SRSF5: variants seen among roughly 807,000 people sequenced by gnomAD.
SRSF5 encodes serine and arginine rich splicing factor 5.
In SRSF5, 5 loss-of-function variants were observed where a neutral mutation model predicts 34.0. The observed-to-expected ratio is 0.15, with a 90% CI of 0.08 to 0.31. The LOEUF (loss-of-function observed/expected upper bound fraction) is 0.31, where lower values mean the gene tolerates loss of function less well. Among genes scored for constraint, SRSF5 ranks in the 10% least tolerant of loss-of-function variants. The pLI, the probability that SRSF5 is intolerant of heterozygous loss-of-function variation, is 1.00. For synonymous variants in SRSF5, 164 were observed against 117.7 expected (o/e 1.39, Z -2.55); for missense variants, 223 against 351.4 (o/e 0.63, Z 2.92).
At chr14:69,768,962 C>T (rs1882878233) in intron 4 of SRSF5, 66 bp downstream of exon 4, 1 of 1,520,594 alleles carries the variant, frequency 6.6e-7, no homozygotes, top group Non-Finnish European at 9.1e-7. Context: ...ATTCAGGAGT[C>T]ATTAGCAGTG....
rs1883233045 is a variant in SRSF5 at position 69,771,737 on chromosome 14, A to G, written c.*276A>G. On this transcript the variant is annotated 3_prime_UTR_variant, in exon 8 of 8. Transcript: ENST00000557154. The stretch of plus-strand genomic sequence containing the variant: ...GTGTATATTGACAGAGCTCTTTTAT[A>G]ACTAAAGCAAATTTAATTTTTTTGT... 3.2e-6 allele frequency: 1 copy of G among 315,278 alleles called. No homozygotes were observed. The highest frequency in any genetic ancestry group is 5.8e-6 in the Non-Finnish European group (1 of 172,564). 19.5% of individuals were successfully genotyped at this position (315,278 alleles called of 1,614,324 possible). A position where few individuals can be genotyped will look rare whatever the true frequency, so the allele number is the denominator to read the frequency against.
intron 6 of SRSF5, 106 bp downstream of exon 6, chr14:69,770,646 C>T: frequency 2.8e-6 from 3 of 1,075,042 alleles, no homozygotes; most frequent in South Asian, 2.9e-5. Flanking sequence ...CAGAGATTCT[C>T]CAGAGACAAT....
At chr14:69,770,727 TGA>T (rs1883104598) in intron 6 of SRSF5, among the ~76,000 whole-genome samples, 187 bp downstream of exon 6, 1 of 152,140 alleles carries the variant, frequency 6.6e-6, no homozygotes, top group Non-Finnish European at 1.5e-5. Context: ...CACAACTGGT[TGA>T]GAGAGGATGC....
chr14:69,767,319 G>T (rs1329207670), intron 1 of SRSF5, 64 bp downstream of exon 1: 1 of 448,874 alleles, frequency 2.2e-6, no homozygotes, highest in Non-Finnish European at 4.4e-6. Context: ...CGCTCAGATC[G>T]TGAGCGGCCG....
chr14:69,768,972 G>T (rs753103884), intron 4 of SRSF5, 76 bp downstream of exon 4: 10 of 1,486,596 alleles, frequency 6.7e-6, no homozygotes, highest in Non-Finnish European at 9.4e-6. Context: ...CATTAGCAGT[G>T]ATGATTTTGG....
rs1458627720 is a variant in SRSF5 at position 69,767,558 on chromosome 14, C to G, written c.-20+303C>G. 4 of 455,930 alleles carry G rather than the reference C, an allele frequency of 8.8e-6. No homozygotes were observed. In the East Asian group the frequency reaches 2.1e-4, roughly 24 times the overall value. The allele number at this position is 455,930 out of a possible 1,614,324, so 28.2% of individuals were successfully genotyped here. A position where few individuals can be genotyped will look rare whatever the true frequency, so the allele number is the denominator to read the frequency against. ...GCCGGGATCTCCCTGACTTTGCTGG[C>G]GATGCGGCTGGGCCTTTTGTAGGGC... On this transcript the variant is annotated intron_variant, in intron 1 of 7. Transcript: ENST00000557154.
Position 69,768,912 on chromosome 14 carries a change from A to G in SRSF5, c.296+16A>G, listed in dbSNP as rs772619424. On this transcript the variant is annotated intron_variant, in intron 4 of 7. Transcript: ENST00000557154. Reference sequence around the variant, plus strand: ...ATGATAGACGGTATGTGAAGGGTGGATGGCTGCATTGAACAATTATTGTAG... The same window carrying G: ...ATGATAGACGGTATGTGAAGGGTGGGTGGCTGCATTGAACAATTATTGTAG... 11 of 1,610,004 alleles carry G rather than the reference A, an allele frequency of 6.8e-6. No individual in the cohort carries two copies. The highest frequency in any genetic ancestry group is 1.3e-5 in the African/African-American group (1 of 74,954).
intron 6 of SRSF5, 105 bp downstream of exon 6, chr14:69,770,645 T>C (rs1471789725): frequency 2.8e-6 from 3 of 1,081,472 alleles, no homozygotes; most frequent in Non-Finnish European, 4.1e-6. Flanking sequence ...GCAGAGATTC[T>C]CCAGAGACAA....
intron 1 of SRSF5, chr14:69,767,629 A>G (rs1566624160): frequency 4.6e-6 from 2 of 435,738 alleles, no homozygotes; most frequent in Admixed American, 2.6e-5. Flanking sequence ...GGAGAAGGGA[A>G]GAGGGAATTT....
Position 69,771,501 on chromosome 14 carries a change from C to A in SRSF5, c.*40C>A. ...GCCCTGGGGGCCTTTTTTTAAAAAACAAAAACCACAAAAATTCCCAAACCA... is the reference window on the plus strand; with the variant it reads ...GCCCTGGGGGCCTTTTTTTAAAAAAAAAAAACCACAAAAATTCCCAAACCA... On this transcript the variant is annotated 3_prime_UTR_variant, in exon 8 of 8. Transcript: ENST00000557154. 10 of 1,500,158 alleles carry A rather than the reference C, an allele frequency of 6.7e-6. No individual in the cohort carries two copies. The highest frequency in any genetic ancestry group is 2.0e-5 in the Admixed American group (1 of 49,496). 92.9% of individuals were successfully genotyped at this position (1,500,158 alleles called of 1,614,324 possible).
At position 69,771,902 on chromosome 14, in the gene SRSF5, T is replaced by A. The variant is rs1883258423; in HGVS notation, c.*441T>A. ...TTTGCTTGTACATAAAGGCTTAATT[T>A]GTTTTCCTTGTTAGGGTCAAGGGTG... On this transcript the variant is annotated 3_prime_UTR_variant, in exon 8 of 8. Coordinates refer to ENST00000557154, the MANE Select transcript of SRSF5 (RefSeq NM_001320214.2). 6.1e-6 allele frequency: 1 copy of A among 163,642 alleles called. No individual in the cohort carries two copies. Among genetic ancestry groups the A allele is most frequent in the Non-Finnish European group, 1.3e-5 (1 of 74,766 alleles). 10.1% of individuals were successfully genotyped at this position (163,642 alleles called of 1,614,324 possible). A position where few individuals can be genotyped will look rare whatever the true frequency, so the allele number is the denominator to read the frequency against.
chr14:69,769,654 G>GCA, intron 5 of SRSF5: 1 of 1,521,688 alleles, frequency 6.6e-7, no homozygotes, highest in Non-Finnish European at 8.8e-7. Flanking sequence ...TGTGTTTGCC[G>GCA]GTCTAGACGT....
At position 69,771,366 on chromosome 14, in the gene SRSF5, C is replaced by T. The variant is rs1313309637; in HGVS notation, c.724C>T (p.Arg242Cys). 2.5e-6 allele frequency: 4 copies of T among 1,614,158 alleles called. No homozygotes were observed. Among genetic ancestry groups the T allele is most frequent in the Non-Finnish European group, 3.4e-6 (4 of 1,180,042 alleles). ...TCCCGTGCCTGAGAAGAGCCAGAAA[C>T]GTGGTTCTTCAAGTAGATCTAAGTC... is the stretch of plus-strand genomic sequence containing the variant. ...RSPVPEKSQK[R>C]GSSSRSKSPA... Residue 242 changes from arginine (R) to cysteine (C), a missense_variant, in exon 8 of 8, where the codon CGT (arginine) becomes TGT (cysteine). Around this residue, in one of 4 missense-constraint regions of SRSF5, gnomAD observed 115 missense variants for 119.7 expected, o/e 0.96. Transcript: ENST00000557154.
chr14:69,770,667 C>T, intron 6 of SRSF5, 127 bp downstream of exon 6: 2 of 834,064 alleles, frequency 2.4e-6, no homozygotes, highest in East Asian at 5.4e-5. Flanking sequence ...TTTGCTGCTT[C>T]CCTCCTCCCC....
At position 69,770,278 on chromosome 14, in the gene SRSF5, T is replaced by C. The variant is rs568157604; in HGVS notation, c.367-189T>C. The C allele has an allele frequency of 3.4e-5, 47 of 1,385,968 alleles. No homozygotes were observed. In the South Asian group the frequency reaches 7.3e-4, roughly 22 times the overall value. The allele number at this position is 1,385,968 out of a possible 1,614,324, so 85.9% of individuals were successfully genotyped here. A position where few individuals can be genotyped will look rare whatever the true frequency, so the allele number is the denominator to read the frequency against. On this transcript the variant is annotated intron_variant, in intron 5 of 7. Coordinates refer to ENST00000557154, the MANE Select transcript of SRSF5 (RefSeq NM_001320214.2). ...TTTAGCATTTTGCTTAAAAGCAATA[T>C]GCTATTTGCTTATTCCGTGCCCTGA...
chr14:69,768,443 C>T, intron 2 of SRSF5, 161 bp downstream of exon 2: 2 of 1,243,720 alleles, frequency 1.6e-6, no homozygotes, highest in Non-Finnish European at 1.1e-6. Context: ...AACTTGCCGG[C>T]TCACTGGAAC....
chr14:69,771,177 C>A lies in SRSF5; in HGVS notation c.552-17C>A. 2 of 1,613,722 alleles carry A rather than the reference C, an allele frequency of 1.2e-6. No homozygotes were observed. The highest frequency in any genetic ancestry group is 1.1e-5 in the South Asian group (1 of 91,072). On this transcript the variant is annotated splice_polypyrimidine_tract_variant and intron_variant, in intron 7 of 7. Coordinates refer to ENST00000557154, the MANE Select transcript of SRSF5 (RefSeq NM_001320214.2). Reference sequence around the variant, plus strand: ...TGTAGAGTCTTATCTAGGCTGATTTCTTTTCATTTTTCATAGTAGGTCAAG... The same window carrying A: ...TGTAGAGTCTTATCTAGGCTGATTTATTTTCATTTTTCATAGTAGGTCAAG...
At position 69,769,475 on chromosome 14, in the gene SRSF5, A is replaced by G; in HGVS notation, c.366+224A>G. ...GATATTTTTCTTGTTTTTTAAAATC[A>G]ATTTTTAACCAAATATTAAACCCTT... On this transcript the variant is annotated intron_variant, in intron 5 of 7. Coordinates refer to ENST00000557154, the MANE Select transcript of SRSF5 (RefSeq NM_001320214.2). 3 of 1,534,660 alleles carry G rather than the reference A, an allele frequency of 2.0e-6. 1 individual carries two copies. The highest frequency in any genetic ancestry group is 2.6e-6 in the Non-Finnish European group (3 of 1,146,370).
In SRSF5 at chr14:69,771,360, C is replaced by T. The variant is rs141092744; in HGVS notation, c.718C>T (p.Gln240Ter). 24 of 1,614,070 alleles carry T rather than the reference C, an allele frequency of 1.5e-5. No homozygotes were observed. The highest frequency in any genetic ancestry group is 5.1e-6 in the Non-Finnish European group (6 of 1,180,042). ...TAGGTCTCCCGTGCCTGAGAAGAGC[C>T]AGAAACGTGGTTCTTCAAGTAGATC... The part of the protein sequence containing the change: ...VSRSPVPEKS[Q>*]KRGSSSRSKS... Residue 240 changes from glutamine (Q) to a stop codon, truncating the protein, a stop_gained, in exon 8 of 8, where the codon CAG (glutamine) becomes TAG (stop). Transcript: ENST00000557154. LOFTEE classifies it high-confidence loss of function.
Sources: allele counts gnomAD v4.1 joint callset (sites outside exome capture counted in the v4.1 genomes callset), GRCh38; gene constraint gnomAD v4.1.1; regional missense constraint gnomAD v4.1.1; transcripts MANE v1.5; gene names NCBI Gene and HGNC (gene_info 2026-07-23, HGNC 2026-07-21).